The following ELMO1 variants were observed in gnomAD, a reference collection of about 807,000 sequenced individuals.
ELMO1 encodes engulfment and cell motility protein 1.
A neutral mutation model predicts 98.9 loss-of-function variants in ELMO1; 26 were observed. The observed-to-expected ratio is 0.26, with a 90% CI of 0.19 to 0.36. The LOEUF is 0.36. Ranked by LOEUF, ELMO1 falls within the 10% of genes least tolerant of loss-of-function variation. The pLI, the probability that ELMO1 is intolerant of heterozygous loss-of-function variation, is 1.00. For synonymous variants in ELMO1, 346 were observed against 346.0 expected (o/e 1.00, Z 0.00); for missense variants, 627 against 935.2 (o/e 0.67, Z 4.30).
intron 15 of ELMO1, among the ~76,000 whole-genome samples, chr7:37,050,896 C>G (rs1796078037): frequency 6.6e-6 from 1 of 151,776 alleles, no homozygotes. Flanking sequence ...TTAGTCTGCT[C>G]CAACCAAGGC....
In ELMO1 at chr7:37,291,944, C is replaced by T. The variant is rs538518464; in HGVS notation, c.193-20062G>A. 9.8e-5 allele frequency among the ~76,000 whole-genome samples: 5 copies of T among 51,056 alleles called. No homozygotes were observed. The East Asian group carries it at 3.3e-3, about 34-fold the overall frequency. The allele number at this position is 51,056 out of a possible 152,430, so 33.5% of individuals were successfully genotyped here. A position where few individuals can be genotyped will look rare whatever the true frequency, so the allele number is the denominator to read the frequency against. ...TCCCTCCCCCTCCCCCTCCCTCTCC[C>T]TCTGCCCACGGTCTCCCTCTCCCTC... On this transcript the variant is annotated intron_variant, in intron 4 of 21. Transcript: ENST00000310758.
chr7:37,064,322 T>C (rs1403109910), intron 15 of ELMO1, among the ~76,000 whole-genome samples: 1 of 152,198 alleles, frequency 6.6e-6, no homozygotes, highest in Non-Finnish European at 1.5e-5. Flanking sequence ...ACCATTGGTA[T>C]GGAGCTTGGG....
intron 13 of ELMO1, among the ~76,000 whole-genome samples, chr7:37,161,437 TCAGA>T (rs1357999700): frequency 2.0e-5 from 3 of 152,080 alleles, no homozygotes; most frequent in African/African-American, 7.2e-5. Context: ...ATCAACATAA[TCAGA>T]CAATGAATTA....
At chr7:37,022,837 A>T (rs1446378397) in intron 15 of ELMO1, among the ~76,000 whole-genome samples, 1 of 152,228 alleles carries the variant, frequency 6.6e-6, no homozygotes, top group Admixed American at 6.5e-5. Flanking sequence ...CTAAATGTCC[A>T]TCCAGCAGAT....
At chr7:37,258,819 G>C (rs1452036191) in intron 6 of ELMO1, among the ~76,000 whole-genome samples, 1 of 151,892 alleles carries the variant, frequency 6.6e-6, no homozygotes, top group African/African-American at 2.4e-5. Context: ...ATTAAGGGAG[G>C]GAAAATTTTT....
intron 15 of ELMO1, 166 bp from the exon 16 acceptor site, chr7:37,013,601 T>C: frequency 1.3e-6 from 1 of 753,842 alleles, no homozygotes; most frequent in Non-Finnish European, 2.1e-6. Context: ...ATGGCCCCCA[T>C]ACAACTCGGA....
At chr7:37,338,636 G>T (rs1254659433) in intron 2 of ELMO1, among the ~76,000 whole-genome samples, 1 of 152,066 alleles carries the variant, frequency 6.6e-6, no homozygotes, top group African/African-American at 2.4e-5. Flanking sequence ...GAAGTGTTTG[G>T]GATTCCAGAC....
chr7:37,400,985 C>T (rs1440160310), intron 1 of ELMO1, among the ~76,000 whole-genome samples: 1 of 152,136 alleles, frequency 6.6e-6, no homozygotes, highest in African/African-American at 2.4e-5. Flanking sequence ...AAGTTTGACT[C>T]TTAGAATTGA....
At chr7:37,147,770 C>T (rs1184971333) in intron 13 of ELMO1, among the ~76,000 whole-genome samples, 1 of 145,474 alleles carries the variant, frequency 6.9e-6, no homozygotes, top group Non-Finnish European at 1.5e-5. Context: ...AGAAATCGTG[C>T]ACACAAGAGT....
intron 1 of ELMO1, among the ~76,000 whole-genome samples, chr7:37,374,167 A>G (rs905470103): frequency 6.6e-6 from 1 of 152,192 alleles, no homozygotes; most frequent in Non-Finnish European, 1.5e-5. Flanking sequence ...AGGGTGCACA[A>G]TGATCCATCG....
At chr7:37,196,735 G>C (rs1791985351) in intron 13 of ELMO1, among the ~76,000 whole-genome samples, 1 of 152,224 alleles carries the variant, frequency 6.6e-6, no homozygotes, top group South Asian at 2.1e-4. Flanking sequence ...GTCTCCTTGT[G>C]CTGCTGAAAC....
chr7:37,222,830 T>C (rs1312367704), intron 9 of ELMO1, 137 bp from the exon 10 acceptor site: 2 of 697,532 alleles, frequency 2.9e-6, no homozygotes, highest in Non-Finnish European at 4.9e-6. Flanking sequence ...GCCTAGAAAA[T>C]GCATTTTGCA....
At chr7:37,291,643 G>T (rs571213998) in intron 4 of ELMO1, among the ~76,000 whole-genome samples, 44 of 152,314 alleles carry the variant, frequency 2.9e-4, no homozygotes, top group African/African-American at 1.0e-3. Context: ...GGCCAGGCGT[G>T]GTGGCCCATG....
intron 16 of ELMO1, chr7:36,997,975 G>A (rs1351533970): frequency 2.0e-5 from 3 of 152,210 alleles, no homozygotes; most frequent in Admixed American, 2.0e-4. Flanking sequence ...GTGAGGAGGT[G>A]GGAAAGTGGA....
chr7:37,009,643 G>A (rs1793409146), intron 16 of ELMO1, among the ~76,000 whole-genome samples: 1 of 152,222 alleles, frequency 6.6e-6, no homozygotes, highest in African/African-American at 2.4e-5. Context: ...CCAGTGAGGA[G>A]CTAAAGAAGA....
chr7:37,069,254 A>C (rs1797145263), intron 15 of ELMO1, among the ~76,000 whole-genome samples: 1 of 152,152 alleles, frequency 6.6e-6, no homozygotes, highest in Non-Finnish European at 1.5e-5. Flanking sequence ...TACATTAAAA[A>C]AATGTGCTTT....
intron 19 of ELMO1, among the ~76,000 whole-genome samples, chr7:36,876,538 C>T (rs1804001683): frequency 6.6e-6 from 1 of 152,066 alleles, no homozygotes; most frequent in African/African-American, 2.4e-5. Flanking sequence ...CTGGCGGGAA[C>T]ATCTGTTAAA....
chr7:36,953,839 T>TTG (rs10522376), intron 16 of ELMO1, among the ~76,000 whole-genome samples: 5,124 of 135,984 alleles, frequency 0.038, 118 homozygotes, highest in Non-Finnish European at 0.05. Flanking sequence ...TGGGTATGTT[T>TTG]TGTGTGTGTG....
chr7:37,124,252 C>G (rs1372548942), intron 14 of ELMO1, among the ~76,000 whole-genome samples: 2 of 152,198 alleles, frequency 1.3e-5, no homozygotes, highest in African/African-American at 2.4e-5. Context: ...TCTCACCACT[C>G]CTATTCAACA....
Sources: allele counts gnomAD v4.1 joint callset (sites outside exome capture counted in the v4.1 genomes callset), GRCh38; gene constraint gnomAD v4.1.1; transcripts MANE v1.5; gene names NCBI Gene and HGNC (gene_info 2026-07-23, HGNC 2026-07-21).